SORCS2: variants seen among roughly 807,000 people sequenced by gnomAD.
The protein encoded by SORCS2 is sortilin related VPS10 domain containing receptor 2.
A neutral mutation model predicts 141.6 loss-of-function variants in SORCS2; 100 were observed. That is an observed-to-expected ratio of 0.71 (90% confidence interval 0.60 to 0.83). The LOEUF (loss-of-function observed/expected upper bound fraction) is 0.83, where lower values mean the gene tolerates loss of function less well. SORCS2 is among the 40% of genes least tolerant of loss of function. The pLI is 0.00. For synonymous variants in SORCS2, 789 were observed against 676.9 expected (o/e 1.17, Z -2.57); for missense variants, 1,646 against 1,560.2 (o/e 1.05, Z -0.93).
intron 1 of SORCS2, among the ~76,000 whole-genome samples, chr4:7,303,346 C>T (rs540268442): frequency 5.3e-5 from 8 of 152,278 alleles, no homozygotes; most frequent in African/African-American, 1.4e-4. Context: ...CTGCTGGTGA[C>T]GATGACAATG....
intron 1 of SORCS2, among the ~76,000 whole-genome samples, chr4:7,351,781 TATC>T (rs1460238533): frequency 6.6e-6 from 1 of 151,410 alleles, no homozygotes; most frequent in African/African-American, 2.4e-5. Flanking sequence ...CCCACCCATT[TATC>T]ATCCATCCAT....
intron 1 of SORCS2, among the ~76,000 whole-genome samples, chr4:7,292,346 G>T (rs1716668142): frequency 1.3e-5 from 2 of 152,194 alleles, no homozygotes; most frequent in Admixed American, 6.5e-5. Flanking sequence ...CACCAAGGAG[G>T]CTCCCCACCC....
intron 1 of SORCS2, among the ~76,000 whole-genome samples, chr4:7,280,668 A>G (rs1715816811): frequency 1.3e-5 from 2 of 152,240 alleles, no homozygotes; most frequent in African/African-American, 2.4e-5. Context: ...AATTCCCACC[A>G]TCAATGAATG....
chr4:7,325,662 G>A (rs1010385826), intron 1 of SORCS2, among the ~76,000 whole-genome samples: 8 of 152,292 alleles, frequency 5.3e-5, no homozygotes, highest in Non-Finnish European at 7.3e-5. Context: ...CATGCACGGC[G>A]CTCTGGAAGG....
chr4:7,666,891 A>G (rs1541383), intron 7 of SORCS2, among the ~76,000 whole-genome samples: 149,854 of 152,188 alleles, frequency 0.98, 73,827 homozygotes, highest in East Asian at 1. Context: ...GAGAGAGCAT[A>G]GGGAAAGAAG....
intron 1 of SORCS2, among the ~76,000 whole-genome samples, chr4:7,272,408 G>T (rs372235027): frequency 2.0e-5 from 3 of 152,354 alleles, no homozygotes; most frequent in East Asian, 3.9e-4. Context: ...GAGATGTTAA[G>T]TTGTGGAAAA....
At chr4:7,350,312 C>T (rs754207608) in intron 1 of SORCS2, among the ~76,000 whole-genome samples, 1 of 152,232 alleles carries the variant, frequency 6.6e-6, no homozygotes, top group African/African-American at 2.4e-5. Flanking sequence ...CAGAGTGGGG[C>T]TACAGTTCAG....
chr4:7,380,689 C>G (rs1321452007), intron 1 of SORCS2, among the ~76,000 whole-genome samples: 2 of 152,246 alleles, frequency 1.3e-5, no homozygotes, highest in African/African-American at 4.8e-5. Context: ...AGCTTGTCTT[C>G]TGCAAGCTAT....
intron 1 of SORCS2, among the ~76,000 whole-genome samples, chr4:7,359,007 C>CA (rs1168213781): frequency 1.3e-5 from 2 of 152,060 alleles, no homozygotes; most frequent in Admixed American, 6.5e-5. Flanking sequence ...CTCGGCTAAT[C>CA]AAAAAAATTT....
At chr4:7,697,080 G>C in intron 11 of SORCS2, 118 bp from the exon 12 acceptor site, 1 of 780,522 alleles carries the variant, frequency 1.3e-6, no homozygotes, top group South Asian at 1.7e-5. Context: ...GTCTGTGGGG[G>C]ATATGGAGAC....
At chr4:7,558,080 A>T (rs774516952) in intron 3 of SORCS2, among the ~76,000 whole-genome samples, 15 of 152,184 alleles carry the variant, frequency 9.9e-5, no homozygotes, top group Non-Finnish European at 1.6e-4. Flanking sequence ...GGGGTCCTGG[A>T]GCTCTGTCAC....
chr4:7,388,528 A>T (rs1723634697), intron 1 of SORCS2, among the ~76,000 whole-genome samples: 1 of 152,110 alleles, frequency 6.6e-6, no homozygotes, highest in South Asian at 2.1e-4. Context: ...GAAATCTCCC[A>T]GTCTCCCTCC....
intron 3 of SORCS2, among the ~76,000 whole-genome samples, chr4:7,543,505 A>T (rs1242853501): frequency 1.3e-4 from 19 of 144,272 alleles, no homozygotes; most frequent in Non-Finnish European, 2.4e-4. Context: ...CCATCCATCC[A>T]TCCATCCATC....
chr4:7,420,401 A>G (rs1431938645), intron 2 of SORCS2, among the ~76,000 whole-genome samples: 3 of 152,192 alleles, frequency 2.0e-5, no homozygotes, highest in African/African-American at 4.8e-5. Flanking sequence ...GCACCAAGCC[A>G]TATCCTGGCT....
chr4:7,644,040 T>G (rs942017654), intron 4 of SORCS2, among the ~76,000 whole-genome samples: 15 of 152,110 alleles, frequency 9.9e-5, no homozygotes, highest in Admixed American at 3.9e-4. Flanking sequence ...AATACTCCCC[T>G]CTGGATATGT....
chr4:7,668,969 G>T (rs1392977974), intron 8 of SORCS2, among the ~76,000 whole-genome samples: 3 of 152,182 alleles, frequency 2.0e-5, no homozygotes, highest in Non-Finnish European at 4.4e-5. Flanking sequence ...GCTGCCAAGG[G>T]TGCTCTAAGG....
At position 7,723,215 on chromosome 4, in the gene SORCS2, A is replaced by T. The variant is rs1170999783; in HGVS notation, c.2425-482A>T. Among the ~76,000 whole-genome samples, 8 of 152,222 alleles carry T rather than the reference A, an allele frequency of 5.3e-5. 1 individual carries two copies. In the Middle Eastern group the frequency reaches 0.014, roughly 259 times the overall value. The stretch of plus-strand genomic sequence containing the variant: ...ATGGTCTGAGAAAGAGAAAATTAAG[A>T]ACCGCAGCTTCCCAGAAAGGAAAAT... On this transcript the variant is annotated intron_variant, in intron 18 of 26. Transcript: ENST00000507866.
intron 3 of SORCS2, among the ~76,000 whole-genome samples, chr4:7,553,603 A>T (rs571008344): frequency 2.6e-5 from 4 of 152,330 alleles, no homozygotes; most frequent in African/African-American, 9.6e-5. Context: ...CAACAGAGAG[A>T]TGAGTGAGGC....
chr4:7,395,698 G>C (rs1209435851), intron 1 of SORCS2, among the ~76,000 whole-genome samples: 1 of 152,158 alleles, frequency 6.6e-6, no homozygotes, highest in Non-Finnish European at 1.5e-5. Flanking sequence ...TGAATGAATG[G>C]TCTCAACAAC....
Sources: allele counts gnomAD v4.1 joint callset (sites outside exome capture counted in the v4.1 genomes callset), GRCh38; gene constraint gnomAD v4.1.1; transcripts MANE v1.5; gene names NCBI Gene and HGNC (gene_info 2026-07-23, HGNC 2026-07-21).